Variants in RB1CC1 observed in about 807,000 individuals in gnomAD.
RB1CC1 encodes the protein RB1-inducible coiled-coil protein 1.
Under a neutral mutation model 177.5 loss-of-function variants are expected in RB1CC1, and 46 were observed. The ratio of observed to expected loss-of-function variants is 0.26; its 90% CI spans 0.20 to 0.33. RB1CC1 has a LOEUF of 0.33. RB1CC1 is among the 10% of genes least tolerant of loss of function. The probability of loss-of-function intolerance (pLI) is 1.00; values close to 1 mark genes in which losing one functional copy is unlikely to be tolerated. For synonymous variants in RB1CC1, 666 were observed against 613.6 expected (o/e 1.09, Z -1.26); for missense variants, 1,703 against 1,816.3 (o/e 0.94, Z 1.13).
At chr8:52,640,631 T>C (rs1445719186) in intron 18 of RB1CC1, among the ~76,000 whole-genome samples, 3 of 152,190 alleles carry the variant, frequency 2.0e-5, no homozygotes, top group Non-Finnish European at 4.4e-5. Flanking sequence ...CTCTCCTATA[T>C]GTAGAATGAA....
intron 16 of RB1CC1, among the ~76,000 whole-genome samples, chr8:52,645,314 T>G (rs1350575335): frequency 6.6e-6 from 1 of 152,194 alleles, no homozygotes; most frequent in Non-Finnish European, 1.5e-5. Flanking sequence ...ATAAAATCAT[T>G]TTTTAAATTA....
Position 52,661,459 on chromosome 8 carries a change from C to A in RB1CC1, c.1358+76G>T, listed in dbSNP as rs1030486805. 4 of 1,479,770 alleles carry A rather than the reference C, an allele frequency of 2.7e-6. No individual in the cohort carries two copies. The South Asian group carries it at 5.3e-5, about 20-fold the overall frequency. 91.7% of individuals were successfully genotyped at this position (1,479,770 alleles called of 1,614,324 possible). On this transcript the variant is annotated intron_variant, in intron 9 of 23. Transcript: ENST00000025008. Reference sequence around the variant, plus strand: ...TTTCAATAAAATGGTAGGGAAAAATCACTCCATCATTTGGGAGAAATAAAT... The same window carrying A: ...TTTCAATAAAATGGTAGGGAAAAATAACTCCATCATTTGGGAGAAATAAAT...
At chr8:52,665,423 A>C in intron 8 of RB1CC1, among the ~76,000 whole-genome samples, 1 of 152,186 alleles carries the variant, frequency 6.6e-6, no homozygotes, top group Non-Finnish European at 1.5e-5. Context: ...ATGAACAAAG[A>C]CCTTAATCCA....
intron 18 of RB1CC1, among the ~76,000 whole-genome samples, chr8:52,641,494 A>G (rs1245702559): frequency 6.6e-6 from 1 of 151,906 alleles, no homozygotes; most frequent in African/African-American, 2.4e-5. Flanking sequence ...TGTTATCTTG[A>G]TGGAAAAATA....
At chr8:52,642,200 A>T in intron 18 of RB1CC1, 151 bp downstream of exon 18, 1 of 1,044,368 alleles carries the variant, frequency 9.6e-7, no homozygotes, top group Non-Finnish European at 1.4e-6. Context: ...ATGTTTTCTC[A>T]CACTTACAGT....
At chr8:52,624,903 A>G (rs1848275137) in intron 22 of RB1CC1, 116 bp from the exon 23 acceptor site, 2 of 698,786 alleles carry the variant, frequency 2.9e-6, no homozygotes, top group East Asian at 6.4e-5. Context: ...AAGAATATGT[A>G]AGACTTTAAA....
chr8:52,672,174 G>A (rs1263865807), intron 7 of RB1CC1, among the ~76,000 whole-genome samples: 1 of 152,070 alleles, frequency 6.6e-6, no homozygotes, highest in African/African-American at 2.4e-5. Context: ...TAGAGATAGA[G>A]TCTCACTATG....
chr8:52,658,202 T>C (rs556238220), intron 13 of RB1CC1, 78 bp from the exon 14 acceptor site: 12 of 1,397,444 alleles, frequency 8.6e-6, no homozygotes, highest in South Asian at 8.1e-5. Flanking sequence ...TATTTTAATA[T>C]GTCAAAAATA....
rs1329222386 is a variant in RB1CC1 at position 52,656,763 on chromosome 8, T to C, written c.3066A>G (p.Gln1022=). Residue 1022 remains glutamine (Q), a synonymous_variant, in exon 15 of 24, where the codon CAA becomes CAG. Transcript: ENST00000025008. ...VSLEELKKEN[Q]QIINQIQESH... ...ATTCTTGTATTTGATTAATTATTTG[T>C]TGGTTTTCCTTTTTTAATTCCTCCA... is the stretch of plus-strand genomic sequence containing the variant. 6.8e-6 allele frequency: 11 copies of C among 1,613,770 alleles called. No homozygotes were observed. The highest frequency in any genetic ancestry group is 8.5e-6 in the Non-Finnish European group (10 of 1,179,954).
chr8:52,699,907 A>ACC (rs1353622193), intron 1 of RB1CC1, among the ~76,000 whole-genome samples: 2 of 146,036 alleles, frequency 1.4e-5, no homozygotes, highest in East Asian at 4.0e-4. Context: ...GTGTTTCCAC[A>ACC]CCCACACAAC....
chr8:52,664,401 T>A (rs1006618018), intron 8 of RB1CC1, among the ~76,000 whole-genome samples: 3 of 152,186 alleles, frequency 2.0e-5, no homozygotes, highest in Non-Finnish European at 4.4e-5. Flanking sequence ...ATTAAATATT[T>A]AATTGTCTCG....
chr8:52,708,349 T>G (rs574794591), intron 1 of RB1CC1, among the ~76,000 whole-genome samples: 1 of 152,270 alleles, frequency 6.6e-6, no homozygotes, highest in African/African-American at 2.4e-5. Context: ...ACCCCGTCTC[T>G]GCTAAAAATA....
At chr8:52,623,881 G>A (rs1308791377) in intron 23 of RB1CC1, 22 bp from the exon 24 acceptor site, 1 of 1,512,338 alleles carries the variant, frequency 6.6e-7, no homozygotes, top group East Asian at 2.3e-5. Flanking sequence ...AGAAAAAATG[G>A]AATCACTAGA....
chr8:52,708,821 T>C (rs537912360), intron 1 of RB1CC1, among the ~76,000 whole-genome samples: 2 of 152,298 alleles, frequency 1.3e-5, no homozygotes, highest in Admixed American at 6.5e-5. Context: ...ATTATCTCCA[T>C]TGATGCGGTA....
intron 18 of RB1CC1, among the ~76,000 whole-genome samples, chr8:52,641,168 G>A (rs1478322352): frequency 1.3e-5 from 2 of 151,964 alleles, no homozygotes; most frequent in African/African-American, 4.8e-5. Context: ...TGGATCACCT[G>A]AGGTCAGGAG....
intron 1 of RB1CC1, among the ~76,000 whole-genome samples, chr8:52,713,037 GTC>G (rs1857185901): frequency 6.6e-6 from 1 of 152,180 alleles, no homozygotes; most frequent in Non-Finnish European, 1.5e-5. Flanking sequence ...GTCTACTTAA[GTC>G]TCTTCCTAAA....
At chr8:52,661,387 A>G in intron 9 of RB1CC1, 106 bp from the exon 10 acceptor site, 2 of 1,482,700 alleles carry the variant, frequency 1.3e-6, no homozygotes, top group Non-Finnish European at 1.8e-6. Context: ...ATCAAGATAT[A>G]TAAGCTCTAC....
Position 52,676,469 on chromosome 8 carries a change from C to G in RB1CC1, c.472G>C (p.Glu158Gln). 6.2e-7 allele frequency: 1 copy of G among 1,613,498 alleles called. No individual in the cohort carries two copies. Among genetic ancestry groups the G allele is most frequent in the East Asian group, 2.2e-5 (1 of 44,856 alleles). The change falls in exon 6 of 24, where the codon GAG becomes CAG. Residue 158 changes from glutamate to glutamine, a missense_variant. Physicochemically the swap from Glu to Gln is conservative, Grantham distance 29. This residue lies in a region of RB1CC1 where 315 missense variants were observed against 304.9 expected (regional missense o/e 1.03). Transcript: ENST00000025008. The part of the protein sequence containing the change: ...QGWAAIMANL[E>Q]DCSNSYQKLL... ...TTTTGGTATGAATTTGAACAGTCCT[C>G]CAGGTTGGCCATGATTGCAGCCCAG...
In RB1CC1 at chr8:52,695,877, A is replaced by C. The variant is rs188998371; in HGVS notation, c.-166-8910T>G. ...CCTGACCTGTTCCAGTGAATTCTCC[A>C]AAGAGAGGGTGGATATGGGGAACCT... On this transcript the variant is annotated intron_variant, in intron 1 of 23. Coordinates refer to ENST00000025008, the MANE Select transcript of RB1CC1 (RefSeq NM_014781.5). Among the ~76,000 whole-genome samples, 856 of 152,232 alleles carry C rather than the reference A, an allele frequency of 5.6e-3. 3 individuals carry two copies. Among genetic ancestry groups the C allele is most frequent in the Non-Finnish European group, 9.2e-3 (628 of 68,004 alleles).
Sources: allele counts gnomAD v4.1 joint callset (sites outside exome capture counted in the v4.1 genomes callset), GRCh38; gene constraint gnomAD v4.1.1; regional missense constraint gnomAD v4.1.1; transcripts MANE v1.5; gene names NCBI Gene and HGNC (gene_info 2026-07-23, HGNC 2026-07-21).